MORC1: variants seen among roughly 807,000 people sequenced by gnomAD.
MORC1 encodes the protein MORC family CW-type zinc finger 1, also known as MORC family CW-type zinc finger protein 1.
Under a neutral mutation model 134.9 loss-of-function variants are expected in MORC1, and 59 were observed. The observed-to-expected ratio is 0.44, with a 90% CI of 0.35 to 0.54. The LOEUF is 0.54. Among genes scored for constraint, MORC1 ranks in the 20% least tolerant of loss-of-function variants. The probability of loss-of-function intolerance (pLI) is 0.00; values close to 1 mark genes in which losing one functional copy is unlikely to be tolerated. For missense variants in MORC1, 947 were observed against 1,134.5 expected, an observed-to-expected ratio of 0.83 and a Z score of 2.37; for synonymous variants, 395 against 391.7, an observed-to-expected ratio of 1.01 and a Z score of -0.10.
intron 14 of MORC1, among the ~76,000 whole-genome samples, chr3:109,040,560 T>G (rs1009005150): frequency 4.0e-5 from 6 of 151,646 alleles, no homozygotes; most frequent in Non-Finnish European, 7.4e-5. Context: ...CCAGGCACAG[T>G]GGCTCATGCC....
intron 4 of MORC1, among the ~76,000 whole-genome samples, 175 bp from the exon 5 acceptor site, chr3:109,100,682 G>A (rs547803514): frequency 2.4e-4 from 37 of 152,164 alleles, no homozygotes; most frequent in Non-Finnish European, 7.3e-5. Flanking sequence ...GGTCTTAATG[G>A]TATTACAGTC....
At chr3:109,090,668 T>C (rs926260541) in intron 8 of MORC1, among the ~76,000 whole-genome samples, 6 of 145,914 alleles carry the variant, frequency 4.1e-5, no homozygotes, top group African/African-American at 1.5e-4. Flanking sequence ...TCACAAGGAC[T>C]ATGTGAAATA....
At chr3:108,980,545 T>C (rs1026716120) in intron 23 of MORC1, among the ~76,000 whole-genome samples, 11 of 152,172 alleles carry the variant, frequency 7.2e-5, no homozygotes, top group African/African-American at 2.7e-4. Context: ...GTGGTACCCT[T>C]AAGGCAGGAA....
At chr3:108,964,706 T>C (rs1171662136) in intron 26 of MORC1, among the ~76,000 whole-genome samples, 1 of 152,168 alleles carries the variant, frequency 6.6e-6, no homozygotes, top group Non-Finnish European at 1.5e-5. Context: ...TAGGGTACAG[T>C]CTTTGCCCTC....
chr3:108,975,291 T>C (rs1262364458), intron 24 of MORC1, among the ~76,000 whole-genome samples: 3 of 152,224 alleles, frequency 2.0e-5, no homozygotes, highest in Admixed American at 1.3e-4. Flanking sequence ...GTTGTAATAA[T>C]GTTTTTTGGC....
chr3:109,098,950 C>A (rs1230163096), intron 6 of MORC1, among the ~76,000 whole-genome samples: 1 of 152,180 alleles, frequency 6.6e-6, no homozygotes, highest in East Asian at 1.9e-4. Flanking sequence ...AAATTATGGT[C>A]ACCAGAGTTA....
chr3:109,025,857 G>A (rs755914186), intron 17 of MORC1, among the ~76,000 whole-genome samples: 5 of 152,064 alleles, frequency 3.3e-5, no homozygotes, highest in Non-Finnish European at 5.9e-5. Flanking sequence ...AATATCTGAC[G>A]GCATGTTTTA....
chr3:109,025,414 GTC>G (rs896408083), intron 17 of MORC1, among the ~76,000 whole-genome samples: 1 of 110,164 alleles, frequency 9.1e-6, no homozygotes, highest in Non-Finnish European at 1.7e-5. Context: ...TTGAGACAGA[GTC>G]TCATCTTTCC....
intron 7 of MORC1, among the ~76,000 whole-genome samples, chr3:109,093,970 A>G (rs1950778981): frequency 6.6e-6 from 1 of 152,210 alleles, no homozygotes; most frequent in East Asian, 1.9e-4. Context: ...GTTTTCATAC[A>G]CTATAGCAGG....
At chr3:108,960,950 C>G (rs1947064198) in intron 27 of MORC1, among the ~76,000 whole-genome samples, 1 of 152,180 alleles carries the variant, frequency 6.6e-6, no homozygotes, top group Non-Finnish European at 1.5e-5. Flanking sequence ...ACATAAGTGT[C>G]TTGACCTTGA....
rs1328112102 is a variant in MORC1 at position 109,042,553 on chromosome 3, A to G, written c.1331-7085T>C. On this transcript the variant is annotated intron_variant, in intron 14 of 27. Coordinates refer to ENST00000232603, the MANE Select transcript of MORC1 (RefSeq NM_014429.4). The stretch of plus-strand genomic sequence containing the variant: ...TTCAAAAATTAAAAATAGAACTACT[A>G]TATGATCCAGCATGTCCTCTTCTGT... Among the ~76,000 whole-genome samples, 7 of 152,336 alleles carry G rather than the reference A, an allele frequency of 4.6e-5. No individual in the cohort carries two copies. In the East Asian group the frequency reaches 1.2e-3, roughly 25 times the overall value.
At chr3:109,026,907 G>T (rs1358355604) in intron 17 of MORC1, among the ~76,000 whole-genome samples, 1 of 152,152 alleles carries the variant, frequency 6.6e-6, no homozygotes, top group Non-Finnish European at 1.5e-5. Flanking sequence ...AATCTCAGGT[G>T]GTATCTGACT....
At chr3:109,074,012 C>T (rs1484423890) in intron 8 of MORC1, among the ~76,000 whole-genome samples, 1 of 152,152 alleles carries the variant, frequency 6.6e-6, no homozygotes, top group East Asian at 1.9e-4. Flanking sequence ...GAAGCTATAA[C>T]TTTTGATGTG....
At chr3:109,040,685 C>A (rs1949518637) in intron 14 of MORC1, among the ~76,000 whole-genome samples, 1 of 151,106 alleles carries the variant, frequency 6.6e-6, no homozygotes, top group Admixed American at 6.6e-5. Flanking sequence ...CAAAAATTAG[C>A]CAGGTGTGGT....
At chr3:108,972,967 A>G (rs183528729) in intron 24 of MORC1, among the ~76,000 whole-genome samples, 107 of 152,332 alleles carry the variant, frequency 7.0e-4, no homozygotes, top group African/African-American at 2.2e-3. Context: ...AAAGTTCTGG[A>G]TTAGTTCTCG....
At chr3:109,042,601 A>T (rs979148223) in intron 14 of MORC1, among the ~76,000 whole-genome samples, 1 of 152,212 alleles carries the variant, frequency 6.6e-6, no homozygotes, top group Admixed American at 6.5e-5. Context: ...AGGAAATGAA[A>T]TCAGTATGTT....
rs1948613304 is a variant in MORC1, at chr3:109,008,794, AT to A, written c.1705-1704del. On this transcript the variant is annotated intron_variant, in intron 17 of 27. Coordinates refer to ENST00000232603, the MANE Select transcript of MORC1 (RefSeq NM_014429.4). ...CTCTGAACAGTGGCAAAATTTGTTT[AT>A]TTTTTCTTCCCCGTTTTCTTCCCCT... Among the ~76,000 whole-genome samples the A allele has an allele frequency of 1.3e-5, 2 of 151,830 alleles. 1 individual carries two copies. Among genetic ancestry groups the A allele is most frequent in the South Asian group, 4.2e-4 (2 of 4,806 alleles).
chr3:109,029,631 T>C (rs1388193338), intron 16 of MORC1, among the ~76,000 whole-genome samples: 2 of 152,216 alleles, frequency 1.3e-5, no homozygotes, highest in Non-Finnish European at 2.9e-5. Flanking sequence ...TGGCTATTTC[T>C]CAGATACTGT....
At chr3:108,987,148 T>C (rs1364273931) in intron 21 of MORC1, among the ~76,000 whole-genome samples, 199 bp from the exon 22 acceptor site, 5 of 152,228 alleles carry the variant, frequency 3.3e-5, no homozygotes, top group African/African-American at 1.2e-4. Flanking sequence ...GATGATTGCA[T>C]TATCATAGTC....
Sources: allele counts gnomAD v4.1 joint callset (sites outside exome capture counted in the v4.1 genomes callset), GRCh38; gene constraint gnomAD v4.1.1; transcripts MANE v1.5; gene names NCBI Gene and HGNC (gene_info 2026-07-23, HGNC 2026-07-21).